The following PTPRG variants were observed in gnomAD, a reference collection of about 807,000 sequenced individuals.
PTPRG encodes protein tyrosine phosphatase receptor type G.
In PTPRG, 102 loss-of-function variants were observed where a neutral mutation model predicts 165.3. The ratio of observed to expected loss-of-function variants is 0.62; its 90% CI spans 0.53 to 0.73. The LOEUF is 0.73. PTPRG is among the 30% of genes least tolerant of loss of function. The pLI is 0.00. For synonymous variants in PTPRG, 675 were observed against 669.5 expected (o/e 1.01, Z -0.13); for missense variants, 1,866 against 1,861.4 (o/e 1.00, Z -0.05).
At chr3:62,137,834 C>G (rs927439851) in intron 6 of PTPRG, among the ~76,000 whole-genome samples, 1 of 152,202 alleles carries the variant, frequency 6.6e-6, no homozygotes, top group Non-Finnish European at 1.5e-5. Context: ...CACCTCAAAA[C>G]AGCAATTTTA....
chr3:61,946,406 G>T (rs2039762325), intron 2 of PTPRG, among the ~76,000 whole-genome samples: 1 of 152,190 alleles, frequency 6.6e-6, no homozygotes, highest in Admixed American at 6.5e-5. Flanking sequence ...AACAGAGAAA[G>T]ATTTAATTTA....
intron 15 of PTPRG, among the ~76,000 whole-genome samples, chr3:62,248,342 T>C (rs1013892977): frequency 2.0e-5 from 3 of 152,146 alleles, no homozygotes; most frequent in African/African-American, 7.2e-5. Context: ...TCAATATATT[T>C]CACTAAGGGT....
chr3:62,258,660 C>G (rs1346750600), intron 16 of PTPRG, among the ~76,000 whole-genome samples: 1 of 152,178 alleles, frequency 6.6e-6, no homozygotes, highest in East Asian at 1.9e-4. Context: ...AGAAGTGTTG[C>G]TGTAAGCCAG....
intron 7 of PTPRG, among the ~76,000 whole-genome samples, chr3:62,159,889 G>T (rs555600511): frequency 6.6e-6 from 1 of 152,210 alleles, no homozygotes; most frequent in Admixed American, 6.5e-5. Context: ...GGAGGTCACA[G>T]CTGTGTCAGC....
rs1459259928 is a variant in PTPRG, at chr3:62,061,795, A to T, written c.520-16368A>T. 5.3e-5 allele frequency among the ~76,000 whole-genome samples: 8 copies of T among 151,408 alleles called. 1 individual carries two copies. Among genetic ancestry groups the T allele is most frequent in the Admixed American group, 5.2e-4 (8 of 15,242 alleles). ...AGGCGCCCGCCACCACACCCCAGTT[A>T]ATTTTTGTATTTTTAGTAGAGACGG... is the stretch of plus-strand genomic sequence containing the variant. On this transcript the variant is annotated intron_variant, in intron 4 of 29. Coordinates refer to ENST00000474889, the MANE Select transcript of PTPRG (RefSeq NM_002841.4).
At chr3:61,677,218 G>T (rs1426285588) in intron 1 of PTPRG, among the ~76,000 whole-genome samples, 1 of 147,724 alleles carries the variant, frequency 6.8e-6, no homozygotes, top group Non-Finnish European at 1.5e-5. Flanking sequence ...GCACTCCAGC[G>T]TGGGTGACAG....
At chr3:61,848,651 A>G (rs1249964704) in intron 2 of PTPRG, among the ~76,000 whole-genome samples, 4 of 152,212 alleles carry the variant, frequency 2.6e-5, no homozygotes, top group Non-Finnish European at 5.9e-5. Context: ...GGTTGTTCCT[A>G]TAATGAACAT....
chr3:62,194,638 A>G (rs1181728190), intron 9 of PTPRG, among the ~76,000 whole-genome samples: 2 of 152,112 alleles, frequency 1.3e-5, no homozygotes, highest in African/African-American at 4.8e-5. Context: ...CCCCGTCTCT[A>G]CTAAAAATAC....
intron 1 of PTPRG, among the ~76,000 whole-genome samples, chr3:61,588,808 T>C (rs1338061920): frequency 1.3e-5 from 2 of 152,178 alleles, no homozygotes; most frequent in Admixed American, 6.6e-5. Context: ...ACACACATAC[T>C]CATATATGCA....
rs535749022 is a variant in PTPRG, at chr3:62,025,328, C to T, written c.519+21831C>T. Among the ~76,000 whole-genome samples, 14 of 152,196 alleles carry T rather than the reference C, an allele frequency of 9.2e-5. 2 individuals are homozygous for T. The South Asian group carries it at 1.7e-3, about 18-fold the overall frequency. ...TTGCTTTACATTTTGCTTTGGTGTT[C>T]GAGAAACCTTGGCAAAAGGACTGGG... On this transcript the variant is annotated intron_variant, in intron 4 of 29. Transcript: ENST00000474889.
chr3:61,676,155 T>C (rs1703207385), intron 1 of PTPRG, among the ~76,000 whole-genome samples: 1 of 152,048 alleles, frequency 6.6e-6, no homozygotes, highest in East Asian at 1.9e-4. Context: ...AAAATCTTTG[T>C]TTAGAAAGTT....
intron 2 of PTPRG, among the ~76,000 whole-genome samples, chr3:61,925,525 C>G (rs1419426861): frequency 1.3e-5 from 2 of 152,180 alleles, no homozygotes; most frequent in Non-Finnish European, 2.9e-5. Context: ...GGGCAGATCA[C>G]CTGAGGTGAG....
chr3:61,714,106 C>T (rs912963524), intron 1 of PTPRG, among the ~76,000 whole-genome samples: 4 of 152,144 alleles, frequency 2.6e-5, no homozygotes, highest in African/African-American at 9.7e-5. Flanking sequence ...AGCTCTATGA[C>T]TATTAATATA....
chr3:62,158,995 TC>T (rs1211044941), intron 7 of PTPRG, among the ~76,000 whole-genome samples: 2 of 151,948 alleles, frequency 1.3e-5, no homozygotes, highest in African/African-American at 4.8e-5. Context: ...TTTTTCAAGA[TC>T]CTTTTTTGTC....
At chr3:61,610,881 A>G (rs2106872513) in intron 1 of PTPRG, among the ~76,000 whole-genome samples, 1 of 151,506 alleles carries the variant, frequency 6.6e-6, no homozygotes, top group South Asian at 2.1e-4. Context: ...ATCTTGGCTC[A>G]CTGCACTGTC....
At chr3:62,115,387 G>C (rs1466431196) in intron 5 of PTPRG, among the ~76,000 whole-genome samples, 1 of 151,980 alleles carries the variant, frequency 6.6e-6, no homozygotes, top group Admixed American at 6.6e-5. Context: ...ATTTTTTTTG[G>C]TAGCATATAT....
chr3:61,737,531 A>G (rs2032764067), intron 1 of PTPRG, among the ~76,000 whole-genome samples: 1 of 152,156 alleles, frequency 6.6e-6, no homozygotes, highest in South Asian at 2.1e-4. Flanking sequence ...CCAGAAGCAC[A>G]AAGCTTGGGG....
intron 1 of PTPRG, among the ~76,000 whole-genome samples, chr3:61,636,966 T>C (rs2106942974): frequency 6.6e-6 from 1 of 152,356 alleles, no homozygotes; most frequent in South Asian, 2.1e-4. Context: ...CCTTGGGTAC[T>C]ATGCCAATTG....
At chr3:61,687,055 C>T (rs553171858) in intron 1 of PTPRG, among the ~76,000 whole-genome samples, 44 of 152,148 alleles carry the variant, frequency 2.9e-4, no homozygotes, top group African/African-American at 9.2e-4. Context: ...ATGCATCAAC[C>T]GTTGACCACT....
Sources: gnomAD v4.1 joint callset for allele counts (sites outside exome capture counted in the v4.1 genomes callset) on GRCh38, gnomAD v4.1.1 for gene constraint, MANE v1.5 for transcripts, NCBI Gene and HGNC (gene_info 2026-07-23, HGNC 2026-07-21) for gene names.